TPRG1: variants seen among roughly 807,000 people sequenced by gnomAD.
TPRG1 encodes tumor protein p63 regulated 1, also known as tumor protein p63-regulated gene 1 protein.
TPRG1 carries 29 observed loss-of-function variants against 29.3 expected under a neutral mutation model. The ratio of observed to expected loss-of-function variants is 0.99; its 90% CI spans 0.74 to 1.35. The LOEUF is 1.35. TPRG1 is among the 40% of genes most tolerant of loss of function. The probability of loss-of-function intolerance (pLI) is 0.00; values close to 1 mark genes in which losing one functional copy is unlikely to be tolerated. For synonymous variants in TPRG1, 130 were observed against 116.8 expected, an observed-to-expected ratio of 1.11 and a Z score of -0.73; for missense variants, 327 against 335.0, an observed-to-expected ratio of 0.98 and a Z score of 0.19.
intron 1 of TPRG1, among the ~76,000 whole-genome samples, chr3:189,106,201 A>G (rs1381509661): frequency 6.6e-6 from 1 of 152,194 alleles, no homozygotes; most frequent in African/African-American, 2.4e-5. Flanking sequence ...TGATGACCAC[A>G]TAAATGAAAA....
chr3:189,148,904 G>A lies in TPRG1; in HGVS notation c.-227+1257G>A, dbSNP rs567753253. On this transcript the variant is annotated intron_variant, in intron 4 of 6. Coordinates refer to the TPRG1 transcript ENST00000412373. ...GAACTTCCACCATCCCATTTCTCCC[G>A]TTCCTGGAACATGCGGATGCCTTTG... 4.6e-4 allele frequency among the ~76,000 whole-genome samples: 70 copies of A among 152,300 alleles called. 1 individual carries two copies. The highest frequency in any genetic ancestry group is 1.4e-3 in the African/African-American group (60 of 41,564).
chr3:189,086,610 C>T (rs1265019574), intron 4 of TPRG1, among the ~76,000 whole-genome samples: 1 of 151,210 alleles, frequency 6.6e-6, no homozygotes, highest in Non-Finnish European at 1.5e-5. Flanking sequence ...TCACCACAAC[C>T]TCCGCCTCCC....
At chr3:189,166,225 G>A (rs1728147833) in intron 5 of TPRG1, among the ~76,000 whole-genome samples, 1 of 152,220 alleles carries the variant, frequency 6.6e-6, no homozygotes, top group Non-Finnish European at 1.5e-5. Context: ...ATAGATGAGT[G>A]CCATAGGATC....
chr3:189,061,708 A>G (rs1716116324), intron 4 of TPRG1, among the ~76,000 whole-genome samples: 1 of 152,084 alleles, frequency 6.6e-6, no homozygotes, highest in Non-Finnish European at 1.5e-5. Context: ...ACTGATCATT[A>G]GAGAAATGCC....
chr3:189,081,701 A>G (rs1298526338), intron 4 of TPRG1, among the ~76,000 whole-genome samples: 2 of 152,184 alleles, frequency 1.3e-5, no homozygotes, highest in African/African-American at 4.8e-5. Context: ...CTTTCTGTTA[A>G]AAAATAAACC....
At chr3:189,173,954 AT>A (rs1264803624) in intron 1 of TPRG1, among the ~76,000 whole-genome samples, 21 of 152,276 alleles carry the variant, frequency 1.4e-4, no homozygotes, top group African/African-American at 4.8e-4. Flanking sequence ...CTTCTGGAAT[AT>A]TTGCTTCGGC....
intron 2 of TPRG1, among the ~76,000 whole-genome samples, chr3:189,130,903 A>G (rs1723040725): frequency 6.6e-6 from 1 of 152,220 alleles, no homozygotes; most frequent in Admixed American, 6.5e-5. Flanking sequence ...AGTGAGGTTC[A>G]GGGCCATATG....
rs185903512 is a variant in TPRG1 at position 189,232,871 on chromosome 3, A to C, written c.303-5862A>C. Among the ~76,000 whole-genome samples, 28 of 152,356 alleles carry C rather than the reference A, an allele frequency of 1.8e-4. No individual in the cohort carries two copies. The East Asian group carries it at 5.0e-3, about 27-fold the overall frequency. The stretch of plus-strand genomic sequence containing the variant: ...CTAAAGGTCTTCCACGACTCCACTT[A>C]ACTCAGAGGGAGAGAAATTGCTTTC... On this transcript the variant is annotated intron_variant, in intron 3 of 5. Coordinates refer to ENST00000345063, the MANE Select transcript of TPRG1 (RefSeq NM_198485.4).
At chr3:189,282,126 C>T (rs974874826) in intron 4 of TPRG1, among the ~76,000 whole-genome samples, 3 of 144,644 alleles carry the variant, frequency 2.1e-5, no homozygotes, top group Middle Eastern at 3.8e-3. Flanking sequence ...GGCAATCCGC[C>T]CGCCTTGGCT....
intron 1 of TPRG1, among the ~76,000 whole-genome samples, chr3:189,186,985 G>GTTTTTTTTTTTTTTTTTTTTTT (rs397875585): frequency 1.1e-5 from 1 of 88,950 alleles, no homozygotes. Context: ...CATCTAAAGT[G>GTTTTTTTTTTTTTTTTTTTTTT]TTTTTTTTTT....
intron 3 of TPRG1, among the ~76,000 whole-genome samples, chr3:189,014,253 T>G (rs1477562002): frequency 6.6e-6 from 1 of 152,210 alleles, no homozygotes; most frequent in African/African-American, 2.4e-5. Context: ...TATTTATTTC[T>G]CCTTCACTTA....
At chr3:189,116,963 A>G (rs1223126687) in intron 1 of TPRG1, among the ~76,000 whole-genome samples, 2 of 151,940 alleles carry the variant, frequency 1.3e-5, no homozygotes, top group Admixed American at 1.3e-4. Flanking sequence ...AAAAATACAA[A>G]TAATAAAAAA....
upstream of TPRG1, among the ~76,000 whole-genome samples, chr3:189,098,062 G>A (rs190816072): frequency 7.1e-4 from 108 of 152,236 alleles, no homozygotes; most frequent in Middle Eastern, 3.4e-3. Flanking sequence ...TTTAGACATC[G>A]TCTCCTTTGA....
At chr3:189,107,077 T>G (rs1560450660) in intron 1 of TPRG1, among the ~76,000 whole-genome samples, 1 of 152,180 alleles carries the variant, frequency 6.6e-6, no homozygotes, top group Non-Finnish European at 1.5e-5. Flanking sequence ...CCTGACTTTT[T>G]AAACAGAATT....
At chr3:189,224,017 G>A (rs1297248609) in intron 3 of TPRG1, among the ~76,000 whole-genome samples, 1 of 152,168 alleles carries the variant, frequency 6.6e-6, no homozygotes, top group East Asian at 1.9e-4. Context: ...TCAGTCTTGT[G>A]AGAAAGACAG....
intron 4 of TPRG1, among the ~76,000 whole-genome samples, chr3:189,308,393 C>T (rs1225171871): frequency 6.6e-6 from 1 of 152,158 alleles, no homozygotes; most frequent in South Asian, 2.1e-4. Flanking sequence ...GCAGTCTCCA[C>T]GATTGTTCTA....
At chr3:189,045,658 A>T (rs1714930676) in intron 4 of TPRG1, among the ~76,000 whole-genome samples, 1 of 152,226 alleles carries the variant, frequency 6.6e-6, no homozygotes, top group African/African-American at 2.4e-5. Context: ...AGCTATTTTA[A>T]TCATTATCAT....
At chr3:189,181,769 TG>T (rs751568542) in intron 1 of TPRG1, among the ~76,000 whole-genome samples, 1 of 152,212 alleles carries the variant, frequency 6.6e-6, no homozygotes, top group African/African-American at 2.4e-5. Context: ...TCCACATTTT[TG>T]GGTATCTTTT....
chr3:189,121,348 T>G (rs1297013952), intron 1 of TPRG1: 1 of 152,184 alleles, frequency 6.6e-6, no homozygotes, highest in African/African-American at 2.4e-5. Flanking sequence ...GAGTTTTATG[T>G]GATGGAATTT....
Sources: gnomAD v4.1 joint callset for allele counts (sites outside exome capture counted in the v4.1 genomes callset) on GRCh38, gnomAD v4.1.1 for gene constraint, MANE v1.5 for transcripts, NCBI Gene and HGNC (gene_info 2026-07-23, HGNC 2026-07-21) for gene names.